The following TCEA1 variants were observed in gnomAD, a reference collection of about 807,000 sequenced individuals.
The protein encoded by TCEA1 is transcription elongation factor A protein 1.
TCEA1 carries 21 observed loss-of-function variants against 43.8 expected under a neutral mutation model. That is an observed-to-expected ratio of 0.48 (90% CI 0.34 to 0.69). The LOEUF (loss-of-function observed/expected upper bound fraction) is 0.69, where lower values mean the gene tolerates loss of function less well. Among genes scored for constraint, TCEA1 ranks in the 30% least tolerant of loss-of-function variants. TCEA1 has a pLI of 0.01. For synonymous variants in TCEA1, 104 were observed against 117.5 expected (o/e 0.88, Z 0.75); for missense variants, 250 against 365.1 (o/e 0.68, Z 2.57).
intron 8 of TCEA1, chr8:53,972,614 T>C: frequency 1.7e-6 from 1 of 586,412 alleles, no homozygotes; most frequent in South Asian, 1.4e-5. Context: ...TAAAAATATA[T>C]TCTTCAGAGT....
At chr8:54,008,617 G>A (rs1804552141) in intron 2 of TCEA1, among the ~76,000 whole-genome samples, 1 of 150,144 alleles carries the variant, frequency 6.7e-6, no homozygotes, top group Non-Finnish European at 1.5e-5. Context: ...GTCAGCCAAT[G>A]ATCATGTCAT....
At chr8:53,999,597 G>A (rs1449403700) in intron 3 of TCEA1, 1 of 241,290 alleles carries the variant, frequency 4.1e-6, no homozygotes, top group Non-Finnish European at 7.9e-6. Context: ...ATGGATAAAG[G>A]ATACGGCATT....
chr8:53,994,238 G>A (rs776241504), intron 3 of TCEA1, among the ~76,000 whole-genome samples: 9 of 151,844 alleles, frequency 5.9e-5, no homozygotes, highest in South Asian at 2.1e-4. Context: ...TCAGCTACTC[G>A]GGAGGCTGAA....
At chr8:53,997,216 C>G (rs1484845433) in intron 3 of TCEA1, among the ~76,000 whole-genome samples, 1 of 152,016 alleles carries the variant, frequency 6.6e-6, no homozygotes, top group African/African-American at 2.4e-5. Flanking sequence ...CCAGAAGGTT[C>G]TTCTTCTAAC....
chr8:53,978,781 G>A, intron 8 of TCEA1: 1 of 381,246 alleles, frequency 2.6e-6, no homozygotes, highest in Non-Finnish European at 4.7e-6. Context: ...AGTTATTATT[G>A]TTAATCTCTT....
At position 53,968,178 on chromosome 8, in the gene TCEA1, T is replaced by C. The variant is rs1451115349; in HGVS notation, c.898-66A>G. ...CCAATAAGGTACATTCCCCATTTAA[T>C]ACAGCATACACCTGATATTGCTTTT... On this transcript the variant is annotated intron_variant, in intron 9 of 9. Transcript: ENST00000521604. The C allele has an allele frequency of 3.2e-6, 4 of 1,266,018 alleles. No individual in the cohort carries two copies. The African/African-American group carries it at 5.9e-5, about 19-fold the overall frequency. 78.4% of individuals were successfully genotyped at this position (1,266,018 alleles called of 1,614,324 possible).
chr8:53,988,042 A>C, intron 5 of TCEA1, 72 bp downstream of exon 5: 2 of 1,549,186 alleles, frequency 1.3e-6, no homozygotes, highest in East Asian at 2.3e-5. Context: ...TCAAACAGCA[A>C]TATGGAGTTG....
chr8:54,010,298 T>TA (rs927061684), intron 2 of TCEA1, 132 bp downstream of exon 2: 1,044 of 609,438 alleles, frequency 1.7e-3, no homozygotes, highest in African/African-American at 3.7e-3. Context: ...TTGCCATCTT[T>TA]AAAAAAAAAT....
intron 7 of TCEA1, 129 bp downstream of exon 7, chr8:53,984,234 A>C: frequency 1.2e-6 from 1 of 863,678 alleles, no homozygotes; most frequent in Non-Finnish European, 1.7e-6. Context: ...TGTCTAGTAT[A>C]TAAATATATC....
intron 9 of TCEA1, 77 bp from the exon 10 acceptor site, chr8:53,968,189 C>T (rs1415526614): frequency 1.9e-6 from 2 of 1,080,804 alleles, no homozygotes; most frequent in Admixed American, 2.8e-5. Context: ...ACAGCATACA[C>T]CTGATATTGC....
rs550341779 is a variant in TCEA1, at chr8:54,021,286, T to A, written c.63+777A>T. On this transcript the variant is annotated intron_variant, in intron 1 of 9. Transcript: ENST00000521604. ...CTGTAGAAACTGGTCGTATGAGGAT[T>A]TCTTACAAACCACAAAAGCATATGC... 4.5e-4 allele frequency among the ~76,000 whole-genome samples: 68 copies of A among 152,294 alleles called. 1 individual carries two copies. The highest frequency in any genetic ancestry group is 1.6e-3 in the African/African-American group (67 of 41,568).
Position 53,967,882 on chromosome 8 carries a change from A to C in TCEA1, c.*222T>G, listed in dbSNP as rs905438031. Reference sequence around the variant, plus strand: ...ATCAACTTACTTATAAAAACAGAAAAAATATGTTTTGAAACAGGTACCATA... The same window carrying C: ...ATCAACTTACTTATAAAAACAGAAACAATATGTTTTGAAACAGGTACCATA... On this transcript the variant is annotated 3_prime_UTR_variant, in exon 10 of 10. Coordinates refer to ENST00000521604, the MANE Select transcript of TCEA1 (RefSeq NM_006756.4). The C allele has an allele frequency of 2.1e-5, 9 of 420,046 alleles. No individual in the cohort carries two copies. The highest frequency in any genetic ancestry group is 4.0e-5 in the African/African-American group (2 of 49,784). 26.0% of individuals were successfully genotyped at this position (420,046 alleles called of 1,614,324 possible).
chr8:53,980,345 C>T (rs924194535), intron 7 of TCEA1, among the ~76,000 whole-genome samples: 1 of 152,204 alleles, frequency 6.6e-6, no homozygotes, highest in Non-Finnish European at 1.5e-5. Context: ...TTGCTCTGCG[C>T]TATTGTGCTT....
At chr8:53,978,259 T>TA (rs998911177) in intron 8 of TCEA1, among the ~76,000 whole-genome samples, 4 of 151,976 alleles carry the variant, frequency 2.6e-5, no homozygotes, top group South Asian at 2.1e-4. Context: ...TAATTTTTTT[T>TA]AAAAAAAATC....
At chr8:54,010,027 G>A (rs1804601743) in intron 2 of TCEA1, 1 of 194,374 alleles carries the variant, frequency 5.1e-6, no homozygotes, top group Non-Finnish European at 1.0e-5. Context: ...ATGCTTGACT[G>A]GTGCTAAAAA....
At chr8:53,986,743 G>A (rs754922502) in intron 6 of TCEA1, among the ~76,000 whole-genome samples, 1 of 152,240 alleles carries the variant, frequency 6.6e-6, no homozygotes, top group African/African-American at 2.4e-5. Context: ...CATGGGCTTG[G>A]AGCCAAATTC....
chr8:53,999,344 C>G (rs1296089982), intron 3 of TCEA1, among the ~76,000 whole-genome samples: 6 of 151,480 alleles, frequency 4.0e-5, no homozygotes, highest in Non-Finnish European at 8.8e-5. Flanking sequence ...ACTGACAAAC[C>G]TGAACATAAA....
intron 1 of TCEA1, among the ~76,000 whole-genome samples, chr8:54,013,189 C>A (rs957748355): frequency 1.3e-5 from 2 of 152,176 alleles, no homozygotes; most frequent in Non-Finnish European, 2.9e-5. Flanking sequence ...AAATTGTTTT[C>A]CAAGTAGAGG....
chr8:54,013,366 T>C (rs1804716142), intron 1 of TCEA1, among the ~76,000 whole-genome samples: 1 of 152,102 alleles, frequency 6.6e-6, no homozygotes, highest in Non-Finnish European at 1.5e-5. Context: ...CTGAAGGGTC[T>C]TTAAGAAATA....
Sources: gnomAD v4.1 joint callset for allele counts (sites outside exome capture counted in the v4.1 genomes callset) on GRCh38, gnomAD v4.1.1 for gene constraint, MANE v1.5 for transcripts, NCBI Gene and HGNC (gene_info 2026-07-23, HGNC 2026-07-21) for gene names.